Variants in ANKRD54 observed in about 807,000 individuals in gnomAD.
ANKRD54 encodes ankyrin repeat domain-containing protein 54.
Under a neutral mutation model 36.2 loss-of-function variants are expected in ANKRD54, and 26 were observed. The observed-to-expected ratio is 0.72, with a 90% CI of 0.53 to 1.00. The LOEUF (loss-of-function observed/expected upper bound fraction) is 1.00. Ranked by LOEUF, ANKRD54 falls within the 50% of genes least tolerant of loss-of-function variation. The pLI is 0.00. For synonymous variants in ANKRD54, 209 were observed against 188.4 expected (o/e 1.11, Z -0.89); for missense variants, 384 against 424.3 (o/e 0.91, Z 0.83).
Position 37,844,122 on chromosome 22 carries a change from G to T in ANKRD54, c.117C>A (p.Phe39Leu). ...CGCCCAGCGCAGACCCGAAGTCAGC[G>T]AAGGAGAAGAGGCCCTCAGCGTCAG... ...PLTDAEGLFS[F>L]ADFGSALGGG... The change falls in exon 1 of 8, where the codon TTC (phenylalanine) becomes TTA (leucine). Residue 39 changes from phenylalanine to leucine, a missense_variant. Around this residue, in one of 3 missense-constraint regions of ANKRD54, gnomAD observed 195 missense variants for 177.7 expected, o/e 1.10. Transcript: ENST00000215941. 1 of 1,490,928 alleles carries T rather than the reference G, an allele frequency of 6.7e-7. No individual in the cohort carries two copies. Among genetic ancestry groups the T allele is most frequent in the Non-Finnish European group, 8.9e-7 (1 of 1,127,676 alleles). The allele number at this position is 1,490,928 out of a possible 1,614,324, so 92.4% of individuals were successfully genotyped here.
chr22:37,848,272 T>A (rs1288666093), upstream of ANKRD54: 2 of 152,324 alleles, frequency 1.3e-5, no homozygotes, highest in African/African-American at 4.8e-5. Context: ...ACTCAAGAGC[T>A]GCCCATGTCC....
At position 37,844,315 on chromosome 22, in the gene ANKRD54, A is replaced by G; in HGVS notation, c.-77T>C. On this transcript the variant is annotated 5_prime_UTR_variant, in exon 1 of 8. Coordinates refer to ENST00000215941, the MANE Select transcript of ANKRD54 (RefSeq NM_138797.4). ...AACGGACCTACTTCCCTCCGCCCTG[A>G]GTCGTGCTGTCAGCGAGCTGGCGGG... 1 of 1,458,796 alleles carries G rather than the reference A, an allele frequency of 6.9e-7. No homozygotes were observed. Among genetic ancestry groups the G allele is most frequent in the Middle Eastern group, 1.8e-4 (1 of 5,608 alleles). The allele number at this position is 1,458,796 out of a possible 1,614,324, so 90.4% of individuals were successfully genotyped here.
Position 37,833,224 on chromosome 22 carries a change from A to T in ANKRD54, c.548-18T>A. On this transcript the variant is annotated intron_variant, in intron 4 of 7. Coordinates refer to ENST00000215941, the MANE Select transcript of ANKRD54 (RefSeq NM_138797.4). ...GCAGGCCGCTGAGGAAGAACAACAG[A>T]GACTTAAGAATCCAGGACCACCAGA... The T allele has an allele frequency of 6.2e-7, 1 of 1,612,952 alleles. No individual in the cohort carries two copies. Among genetic ancestry groups the T allele is most frequent in the East Asian group, 2.2e-5 (1 of 44,852 alleles).
rs957402360 is a variant in ANKRD54, at chr22:37,833,937, C to A, written c.476-182G>T. 8.3e-6 allele frequency: 5 copies of A among 603,540 alleles called. No homozygotes were observed. The Admixed American group carries it at 1.3e-4, about 16-fold the overall frequency. 37.4% of individuals were successfully genotyped at this position (603,540 alleles called of 1,614,324 possible). ...CTTACCAGAGTTCATGGGCAAAGCC[C>A]TGAGGGCCAGGAACTGAGGATTTGG... On this transcript the variant is annotated intron_variant, in intron 3 of 7. Transcript: ENST00000215941.
In ANKRD54 at chr22:37,833,697, CGTGTTCCCCAGCCCA is replaced by C; in HGVS notation, c.519_533del (p.Asp173_Thr178delinsGlu). The C allele has an allele frequency of 2.5e-6, 4 of 1,614,092 alleles. No individual in the cohort carries two copies. The highest frequency in any genetic ancestry group is 3.4e-6 in the Non-Finnish European group (4 of 1,179,982). On this transcript the variant is annotated inframe_deletion, in exon 4 of 8. Coordinates refer to ENST00000215941, the MANE Select transcript of ANKRD54 (RefSeq NM_138797.4). ...TGACATGCTTACCCAGGTGCAGTGG[CGTGTTCCCCAGCCCA>C]TCTCGCTGGTTAGGATCAGCACCAT...
At chr22:37,843,857 G>A in intron 1 of ANKRD54, 54 bp downstream of exon 1, 1 of 1,165,754 alleles carries the variant, frequency 8.6e-7, no homozygotes, top group East Asian at 3.8e-5. Context: ...CTGAGGCCCC[G>A]CCCCTCGCCC....
upstream of ANKRD54, among the ~76,000 whole-genome samples, chr22:37,847,469 A>C (rs1346205470): frequency 1.3e-5 from 2 of 152,052 alleles, no homozygotes. Flanking sequence ...GCCTCGGAGA[A>C]GGGTTATTAT....
intron 7 of ANKRD54, 115 bp from the exon 8 acceptor site, chr22:37,832,132 G>T: frequency 2.0e-6 from 2 of 1,007,674 alleles, no homozygotes; most frequent in Non-Finnish European, 2.9e-6. Flanking sequence ...CCCAGGGCGT[G>T]TGGTGGCTTC....
At chr22:37,837,346 A>G (rs1923679542) in intron 3 of ANKRD54, among the ~76,000 whole-genome samples, 1 of 152,212 alleles carries the variant, frequency 6.6e-6, no homozygotes, top group South Asian at 2.1e-4. Flanking sequence ...CACAAATCAC[A>G]TATACAAGAA....
Position 37,843,971 on chromosome 22 carries a change from G to C in ANKRD54, c.268C>G (p.Arg90Gly). The C allele has an allele frequency of 1.1e-5, 16 of 1,414,096 alleles. No homozygotes were observed. The highest frequency in any genetic ancestry group is 1.5e-5 in the Non-Finnish European group (16 of 1,086,476). The allele number at this position is 1,414,096 out of a possible 1,614,324, so 87.6% of individuals were successfully genotyped here. Residue 90 changes from arginine to glycine, a missense_variant, in exon 1 of 8, where the codon CGG (arginine) becomes GGG (glycine). Around this residue, in one of 3 missense-constraint regions of ANKRD54, gnomAD observed 195 missense variants for 177.7 expected, o/e 1.10. Coordinates refer to ENST00000215941, the MANE Select transcript of ANKRD54 (RefSeq NM_138797.4). ...TGGGGCCTGGCAGCGCGCCTCAGCC[G>C]GCCAGCGGGTATCTTGCAGCGCAGC... ...DELRCKIPAG[R>G]LRRAARPHRR...
chr22:37,838,480 C>T lies in ANKRD54; in HGVS notation c.475+20G>A. ...CACTACTTGCCTAGCCCTACTCCCT[C>T]CTCCCTCCCCAGGACTCACCAATCT... On this transcript the variant is annotated intron_variant, in intron 3 of 7. Coordinates refer to ENST00000215941, the MANE Select transcript of ANKRD54 (RefSeq NM_138797.4). 6.2e-7 allele frequency: 1 copy of T among 1,601,780 alleles called. No homozygotes were observed. Among genetic ancestry groups the T allele is most frequent in the Non-Finnish European group, 8.5e-7 (1 of 1,174,076 alleles).
rs945259692 is a variant in ANKRD54 at position 37,843,981 on chromosome 22, T to A, written c.258A>T (p.Ile86=). Reference sequence around the variant, plus strand: ...CAGCGCGCCTCAGCCGGCCAGCGGGTATCTTGCAGCGCAGCTCGTCGCGCG... The same window carrying A: ...CAGCGCGCCTCAGCCGGCCAGCGGGAATCTTGCAGCGCAGCTCGTCGCGCG... ...AEPRDELRCK[I]PAGRLRRAAR... is the part of the protein sequence containing the mutation. The change falls in exon 1 of 8, where the codon ATA becomes ATT. Residue 86 remains isoleucine, a synonymous_variant. Coordinates refer to ENST00000215941, the MANE Select transcript of ANKRD54 (RefSeq NM_138797.4). 3 of 1,417,496 alleles carry A rather than the reference T, an allele frequency of 2.1e-6. No homozygotes were observed. The African/African-American group carries it at 4.5e-5, about 21-fold the overall frequency. The allele number at this position is 1,417,496 out of a possible 1,614,324, so 87.8% of individuals were successfully genotyped here. A position where few individuals can be genotyped will look rare whatever the true frequency, so the allele number is the denominator to read the frequency against.
At position 37,832,967 on chromosome 22, in the gene ANKRD54, C is replaced by T; in HGVS notation, c.711G>A (p.Glu237=). 6.2e-7 allele frequency: 1 copy of T among 1,613,792 alleles called. No homozygotes were observed. The highest frequency in any genetic ancestry group is 1.1e-5 in the South Asian group (1 of 91,090). ...HAQCLEAVRL[E]VKQIIHMLRE... is the part of the protein sequence containing the mutation. ...CAGAAGGGGTACTCACCTGCTTCAC[C>T]TCCAGACGCACAGCCTCTAGGCACT... is the stretch of plus-strand genomic sequence containing the variant. Residue 237 remains glutamate (E), a synonymous_variant, in exon 6 of 8, where the codon GAG becomes GAA. Coordinates refer to ENST00000215941, the MANE Select transcript of ANKRD54 (RefSeq NM_138797.4).
chr22:37,832,334 TG>T (rs1464241541), intron 7 of ANKRD54, among the ~76,000 whole-genome samples: 2 of 151,928 alleles, frequency 1.3e-5, no homozygotes, highest in Admixed American at 6.6e-5. Flanking sequence ...GGCCTTGCTC[TG>T]GTTTTTTTTT....
chr22:37,836,934 CAGG>C (rs781170753), intron 3 of ANKRD54, among the ~76,000 whole-genome samples: 25 of 149,982 alleles, frequency 1.7e-4, no homozygotes, highest in Non-Finnish European at 1.5e-4. Context: ...GAGGCTGAAG[CAGG>C]AGAATTACTC....
chr22:37,842,375 C>T (rs935004897), intron 1 of ANKRD54, among the ~76,000 whole-genome samples: 4 of 152,252 alleles, frequency 2.6e-5, no homozygotes, highest in African/African-American at 9.6e-5. Flanking sequence ...GATTTCCTCT[C>T]TATCACTTGT....
At chr22:37,843,709 G>C (rs1223379993) in intron 1 of ANKRD54, 8 of 312,862 alleles carry the variant, frequency 2.6e-5, no homozygotes, top group Non-Finnish European at 5.7e-6. Context: ...GACTGGCTCA[G>C]AGCAGGAAGA....
chr22:37,845,449 T>G (rs994018366), upstream of ANKRD54, among the ~76,000 whole-genome samples: 4 of 152,224 alleles, frequency 2.6e-5, no homozygotes, highest in African/African-American at 9.6e-5. Context: ...GGACCATCCC[T>G]ATTTTATAGG....
rs749120612 is a variant in ANKRD54 at position 37,844,303 on chromosome 22, C to A, written c.-65G>T. On this transcript the variant is annotated 5_prime_UTR_variant, in exon 1 of 8. Transcript: ENST00000215941. ...TCCCGACCGACCAACGGACCTACTT[C>A]CCTCCGCCCTGAGTCGTGCTGTCAG... is the stretch of plus-strand genomic sequence containing the variant. The A allele has an allele frequency of 2.0e-6, 3 of 1,510,456 alleles. No homozygotes were observed. In the Admixed American group the frequency reaches 6.1e-5, roughly 31 times the overall value. The allele number at this position is 1,510,456 out of a possible 1,614,324, so 93.6% of individuals were successfully genotyped here. A position where few individuals can be genotyped will look rare whatever the true frequency, so the allele number is the denominator to read the frequency against.
Sources: gnomAD v4.1 joint callset for allele counts (sites outside exome capture counted in the v4.1 genomes callset) on GRCh38, gnomAD v4.1.1 for gene constraint, gnomAD v4.1.1 regional missense constraint, MANE v1.5 for transcripts, NCBI Gene and HGNC (gene_info 2026-07-23, HGNC 2026-07-21) for gene names.